The following ENOX1 variants were observed in gnomAD, a reference collection of about 807,000 sequenced individuals.
The protein encoded by ENOX1 is candidate growth-related and time keeping constitutive hydroquinone (NADH) oxidase.
ENOX1 carries 42 observed loss-of-function variants against 82.5 expected under a neutral mutation model. That is an observed-to-expected ratio of 0.51 (90% CI 0.40 to 0.66). The LOEUF (loss-of-function observed/expected upper bound fraction) is 0.66, where lower values mean the gene tolerates loss of function less well. Ranked by LOEUF, ENOX1 falls within the 30% of genes least tolerant of loss-of-function variation. ENOX1 has a pLI of 0.00. For missense variants in ENOX1, 608 were observed against 811.6 expected (o/e 0.75, Z 3.05); for synonymous variants, 271 against 282.2 (o/e 0.96, Z 0.40).
At chr13:43,229,875 A>G (rs1462646760) in intron 15 of ENOX1, among the ~76,000 whole-genome samples, 1 of 152,208 alleles carries the variant, frequency 6.6e-6, no homozygotes, top group Non-Finnish European at 1.5e-5. Context: ...GAAGGAGCAC[A>G]TTAGGGCAGG....
intron 2 of ENOX1, among the ~76,000 whole-genome samples, chr13:43,488,380 C>CCAG (rs1208254340): frequency 6.6e-6 from 1 of 152,190 alleles, no homozygotes; most frequent in African/African-American, 2.4e-5. Context: ...TGGAGAGCAG[C>CCAG]CAGCACCACA....
At chr13:43,220,749 C>T (rs940633678) in intron 16 of ENOX1, among the ~76,000 whole-genome samples, 5 of 152,034 alleles carry the variant, frequency 3.3e-5, no homozygotes, top group Admixed American at 3.3e-4. Context: ...TCTAAAAAAC[C>T]CATTCATTAT....
intron 14 of ENOX1, among the ~76,000 whole-genome samples, chr13:43,238,407 T>C (rs2042653685): frequency 6.6e-6 from 1 of 152,240 alleles, no homozygotes; most frequent in Non-Finnish European, 1.5e-5. Flanking sequence ...CATTTGGTAC[T>C]TTCCGATTAG....
At chr13:43,355,707 G>A (rs77197840) in intron 8 of ENOX1, among the ~76,000 whole-genome samples, 20 of 152,316 alleles carry the variant, frequency 1.3e-4, no homozygotes, top group African/African-American at 4.6e-4. Context: ...GGCAGAAGAT[G>A]AAGCCCAGGT....
intron 1 of ENOX1, among the ~76,000 whole-genome samples, chr13:43,752,938 C>T (rs550434329): frequency 1.3e-5 from 2 of 151,730 alleles, no homozygotes; most frequent in South Asian, 2.1e-4. Context: ...CGGCTCACTG[C>T]GACCTCTGCC....
chr13:43,725,966 CA>C (rs754929557), intron 1 of ENOX1, among the ~76,000 whole-genome samples: 477 of 135,020 alleles, frequency 3.5e-3, no homozygotes, highest in African/African-American at 6.3e-3. Flanking sequence ...GACCCTGTCT[CA>C]AAAAAAAAAA....
At chr13:43,647,544 C>T (rs1441008206) in intron 2 of ENOX1, among the ~76,000 whole-genome samples, 1 of 152,134 alleles carries the variant, frequency 6.6e-6, no homozygotes, top group Non-Finnish European at 1.5e-5. Flanking sequence ...ACAAGTTCCA[C>T]AAATATTTCT....
chr13:43,253,079 A>G (rs17538409), intron 14 of ENOX1, among the ~76,000 whole-genome samples: 1 of 152,112 alleles, frequency 6.6e-6, no homozygotes, highest in African/African-American at 2.4e-5. Context: ...TTATTTTAGG[A>G]TAAGCATTTC....
chr13:43,450,647 T>C (rs1194215610), intron 3 of ENOX1, among the ~76,000 whole-genome samples: 1 of 152,020 alleles, frequency 6.6e-6, no homozygotes, highest in East Asian at 1.9e-4. Context: ...ATAGGGACGG[T>C]TCCTAGTTAT....
intron 2 of ENOX1, among the ~76,000 whole-genome samples, chr13:43,659,420 G>T (rs1238681425): frequency 6.6e-6 from 1 of 151,996 alleles, no homozygotes; most frequent in Non-Finnish European, 1.5e-5. Flanking sequence ...AGCCTGGGAG[G>T]CAGAGGTTGT....
At chr13:43,299,703 C>T (rs546707460) in intron 11 of ENOX1, among the ~76,000 whole-genome samples, 2 of 152,238 alleles carry the variant, frequency 1.3e-5, no homozygotes, top group South Asian at 2.1e-4. Context: ...CTTTAATCTT[C>T]CCCCTCACAG....
At chr13:43,682,800 T>G (rs1594391207) in intron 1 of ENOX1, among the ~76,000 whole-genome samples, 1 of 151,728 alleles carries the variant, frequency 6.6e-6, no homozygotes, top group Non-Finnish European at 1.5e-5. Context: ...ATAACAGGAG[T>G]TGAGATCCTG....
At chr13:43,324,347 GA>G (rs988743261) in intron 10 of ENOX1, among the ~76,000 whole-genome samples, 1 of 151,376 alleles carries the variant, frequency 6.6e-6, no homozygotes, top group Non-Finnish European at 1.5e-5. Context: ...TGGTGGAAAA[GA>G]AAAAAAAATT....
intron 11 of ENOX1, among the ~76,000 whole-genome samples, chr13:43,307,897 T>C (rs536552528): frequency 2.0e-5 from 3 of 152,348 alleles, no homozygotes; most frequent in South Asian, 2.1e-4. Context: ...CTGGAACTAA[T>C]TGCCCTTGAC....
intron 9 of ENOX1, among the ~76,000 whole-genome samples, chr13:43,342,352 TG>T: frequency 6.6e-6 from 1 of 152,194 alleles, no homozygotes. Flanking sequence ...AAGTCAGTTG[TG>T]GTGGTGGGAG....
chr13:43,346,180 G>A (rs1181789068), intron 8 of ENOX1, among the ~76,000 whole-genome samples: 3 of 152,162 alleles, frequency 2.0e-5, no homozygotes, highest in African/African-American at 7.2e-5. Context: ...CAGACCAGGA[G>A]TACAGCTTCC....
intron 3 of ENOX1, among the ~76,000 whole-genome samples, chr13:43,423,043 CTG>C (rs2055067165): frequency 6.6e-6 from 1 of 152,136 alleles, no homozygotes; most frequent in Non-Finnish European, 1.5e-5. Flanking sequence ...CACATATCCT[CTG>C]TGGGGAAGGG....
chr13:43,401,276 A>G (rs766764453), intron 5 of ENOX1, among the ~76,000 whole-genome samples: 37 of 152,328 alleles, frequency 2.4e-4, no homozygotes, highest in Non-Finnish European at 4.3e-4. Context: ...CAAGGATAGA[A>G]TTTATTCTCC....
At chr13:43,479,522 T>C (rs369734498) in intron 3 of ENOX1, among the ~76,000 whole-genome samples, 1 of 152,174 alleles carries the variant, frequency 6.6e-6, no homozygotes, top group East Asian at 1.9e-4. Flanking sequence ...TACTGAGTTC[T>C]AATATTATCT....
Sources: allele counts gnomAD v4.1 joint callset (sites outside exome capture counted in the v4.1 genomes callset), GRCh38; gene constraint gnomAD v4.1.1; transcripts MANE v1.5; gene names NCBI Gene and HGNC (gene_info 2026-07-23, HGNC 2026-07-21).